The following TRIQK variants were observed in gnomAD, a reference collection of about 807,000 sequenced individuals.
TRIQK encodes triple QxxK/R motif containing.
In TRIQK, 10 loss-of-function variants were observed where a neutral mutation model predicts 10.8. The ratio of observed to expected loss-of-function variants is 0.92; its 90% confidence interval spans 0.57 to 1.57. TRIQK has a LOEUF of 1.57. TRIQK is among the 40% of genes most tolerant of loss of function. TRIQK has a pLI of 0.00. For missense variants in TRIQK, 107 were observed against 97.7 expected, an observed-to-expected ratio of 1.09 and a Z score of -0.40; for synonymous variants, 33 against 33.7, an observed-to-expected ratio of 0.98 and a Z score of 0.07.
chr8:92,908,916 G>T (rs1305584970), intron 3 of TRIQK, among the ~76,000 whole-genome samples: 1 of 151,842 alleles, frequency 6.6e-6, no homozygotes, highest in Non-Finnish European at 1.5e-5. Flanking sequence ...CTCACCAAAT[G>T]CTTCCAATCC....
intron 1 of TRIQK, among the ~76,000 whole-genome samples, chr8:92,984,247 A>G (rs747580320): frequency 1.3e-5 from 2 of 152,082 alleles, no homozygotes; most frequent in Non-Finnish European, 2.9e-5. Context: ...TTTGAATTTC[A>G]CATGTGTTAT....
At chr8:92,986,831 A>C (rs1813038657) in intron 1 of TRIQK, among the ~76,000 whole-genome samples, 1 of 152,198 alleles carries the variant, frequency 6.6e-6, no homozygotes, top group African/African-American at 2.4e-5. Context: ...AGACGTACAC[A>C]TCTGTAAAGG....
intron 2 of TRIQK, among the ~76,000 whole-genome samples, chr8:92,921,248 C>A (rs574273772): frequency 1.3e-5 from 2 of 151,456 alleles, no homozygotes; most frequent in South Asian, 4.2e-4. Context: ...GAGCTAGAAG[C>A]AATAAATGCT....
At chr8:93,000,537 CAT>C (rs1387179328) in intron 1 of TRIQK, among the ~76,000 whole-genome samples, 1 of 152,054 alleles carries the variant, frequency 6.6e-6, no homozygotes, top group Non-Finnish European at 1.5e-5. Context: ...CCTCCCATGA[CAT>C]GTGGGGATTA....
chr8:92,996,652 G>T (rs1277205832), intron 1 of TRIQK, among the ~76,000 whole-genome samples: 1 of 151,754 alleles, frequency 6.6e-6, no homozygotes, highest in African/African-American at 2.4e-5. Flanking sequence ...AATATTGAAT[G>T]GTTATGTTAA....
chr8:92,955,310 A>G (rs1303626982), intron 1 of TRIQK, among the ~76,000 whole-genome samples: 1 of 151,828 alleles, frequency 6.6e-6, no homozygotes, highest in East Asian at 1.9e-4. Flanking sequence ...GTTACTTTTA[A>G]ATAGTGTTAA....
intron 1 of TRIQK, among the ~76,000 whole-genome samples, chr8:92,982,458 A>C (rs919826072): frequency 3.9e-5 from 6 of 152,044 alleles, no homozygotes; most frequent in Non-Finnish European, 8.8e-5. Flanking sequence ...GCATGTGTAC[A>C]AAACAAGACA....
At chr8:92,981,406 A>G (rs1812985313) in intron 1 of TRIQK, among the ~76,000 whole-genome samples, 1 of 151,924 alleles carries the variant, frequency 6.6e-6, no homozygotes. Flanking sequence ...AATAGTTTAT[A>G]TCATTATTTA....
chr8:92,985,771 G>T (rs928975736), intron 1 of TRIQK, among the ~76,000 whole-genome samples: 1 of 152,018 alleles, frequency 6.6e-6, no homozygotes, highest in African/African-American at 2.4e-5. Flanking sequence ...CACATTTTGT[G>T]CCCAGGCTCT....
rs1222736753 is a variant in TRIQK at position 92,886,693 on chromosome 8, C to A, written c.190G>T (p.Ala64Ser). ...CTGAGATAAAAGAAAGCATAGAAAG[C>A]CAGTAGTAGTGCCAATATAGCTGCA... ...VLAAILALLL[A>S]FYAFFYLRLT... The change falls in exon 5 of 5, where the codon GCT becomes TCT. Residue 64 changes from alanine (A) to serine (S), a missense_variant. Ala to Ser is a moderately conservative substitution (Grantham distance 99). Transcript: ENST00000521988. 6.5e-7 allele frequency: 1 copy of A among 1,532,634 alleles called. No homozygotes were observed. Among genetic ancestry groups the A allele is most frequent in the Admixed American group, 2.0e-5 (1 of 50,766 alleles). The allele number at this position is 1,532,634 out of a possible 1,614,324, so 94.9% of individuals were successfully genotyped here. A position where few individuals can be genotyped will look rare whatever the true frequency, so the allele number is the denominator to read the frequency against.
intron 1 of TRIQK, among the ~76,000 whole-genome samples, chr8:92,978,253 C>T (rs1043443360): frequency 6.6e-6 from 1 of 152,132 alleles, no homozygotes; most frequent in East Asian, 1.9e-4. Context: ...TCTCCATGTG[C>T]TGTGGCCTGG....
intron 1 of TRIQK, among the ~76,000 whole-genome samples, chr8:92,984,772 A>G (rs1033102444): frequency 1.3e-5 from 2 of 152,052 alleles, no homozygotes; most frequent in African/African-American, 4.8e-5. Flanking sequence ...AGGCTGGAAA[A>G]TGATTATTTT....
At chr8:92,914,485 T>C (rs1309614442) in intron 3 of TRIQK, among the ~76,000 whole-genome samples, 1 of 152,136 alleles carries the variant, frequency 6.6e-6, no homozygotes, top group African/African-American at 2.4e-5. Flanking sequence ...ACCATGTACT[T>C]GAGAAACAGT....
At chr8:93,003,790 C>CA (rs1045148247) in intron 1 of TRIQK, among the ~76,000 whole-genome samples, 6 of 151,250 alleles carry the variant, frequency 4.0e-5, no homozygotes, top group Admixed American at 6.6e-5. Flanking sequence ...AGAAATTGGC[C>CA]AAAAAAAAGG....
At chr8:93,011,555 A>G (rs1563456940) in intron 1 of TRIQK, among the ~76,000 whole-genome samples, 1 of 152,022 alleles carries the variant, frequency 6.6e-6, no homozygotes, top group Non-Finnish European at 1.5e-5. Context: ...GAACAACACC[A>G]CCATTTTCAG....
chr8:92,927,485 G>A lies in TRIQK; in HGVS notation c.-21-10475C>T, dbSNP rs532272682. ...AAAATAACCAAAAACCAAATACTAG[G>A]AGTGAAAGTTATTTTACTAGAGAAG... is the stretch of plus-strand genomic sequence containing the variant. On this transcript the variant is annotated intron_variant, in intron 2 of 4. Coordinates refer to ENST00000521988, the MANE Select transcript of TRIQK (RefSeq NM_001171797.2). Among the ~76,000 whole-genome samples, 5 of 152,180 alleles carry A rather than the reference G, an allele frequency of 3.3e-5. No individual in the cohort carries two copies. In the East Asian group the frequency reaches 9.7e-4, roughly 29 times the overall value.
intron 2 of TRIQK, among the ~76,000 whole-genome samples, chr8:92,922,963 A>C (rs565822014): frequency 6.6e-6 from 1 of 151,890 alleles, no homozygotes; most frequent in Non-Finnish European, 1.5e-5. Context: ...ACGTTTTACC[A>C]AATGATAAAA....
rs1816338837 is a variant in TRIQK at position 92,883,965 on chromosome 8, C to A, written c.*2657G>T. 6.6e-6 allele frequency: 1 copy of A among 151,714 alleles called. No homozygotes were observed. The highest frequency in any genetic ancestry group is 1.5e-5 in the Non-Finnish European group (1 of 67,812). 9.4% of individuals were successfully genotyped at this position (151,714 alleles called of 1,614,324 possible). A position where few individuals can be genotyped will look rare whatever the true frequency, so the allele number is the denominator to read the frequency against. On this transcript the variant is annotated 3_prime_UTR_variant, in exon 5 of 5. Transcript: ENST00000521988. ...CTAAACTTGCATGCAAAATAAGAAC[C>A]AGCAAGCCTTCAAACTTCAATCACA...
At chr8:92,955,466 A>C (rs2130686317) in intron 1 of TRIQK, among the ~76,000 whole-genome samples, 1 of 151,940 alleles carries the variant, frequency 6.6e-6, no homozygotes, top group South Asian at 2.1e-4. Context: ...CTAAAACTAT[A>C]AAACATTTAA....
Sources: allele counts gnomAD v4.1 joint callset (sites outside exome capture counted in the v4.1 genomes callset), GRCh38; gene constraint gnomAD v4.1.1; transcripts MANE v1.5; gene names NCBI Gene and HGNC (gene_info 2026-07-23, HGNC 2026-07-21).